Variants in OPCML observed in about 807,000 individuals in gnomAD.
The protein encoded by OPCML is opioid binding protein/cell adhesion molecule like, also known as opioid-binding protein/cell adhesion molecule.
OPCML carries 13 observed loss-of-function variants against 37.8 expected under a neutral mutation model. The observed-to-expected ratio is 0.34, with a 90% CI of 0.22 to 0.55. The LOEUF (loss-of-function observed/expected upper bound fraction) is 0.55, where lower values mean the gene tolerates loss of function less well. Among genes scored for constraint, OPCML ranks in the 20% least tolerant of loss-of-function variants. The probability of loss-of-function intolerance (pLI) is 0.91; values close to 1 mark genes in which losing one functional copy is unlikely to be tolerated. For missense variants in OPCML, 341 were observed against 435.6 expected (o/e 0.78, Z 1.93); for synonymous variants, 176 against 168.8 (o/e 1.04, Z -0.33).
At chr11:133,249,951 A>T (rs1200913395) in intron 1 of OPCML, among the ~76,000 whole-genome samples, 1 of 152,226 alleles carries the variant, frequency 6.6e-6, no homozygotes, top group Non-Finnish European at 1.5e-5. Flanking sequence ...AAGCAACACA[A>T]TTCAGGTTAC....
chr11:132,804,898 A>G (rs2136212028), intron 2 of OPCML, among the ~76,000 whole-genome samples: 1 of 152,162 alleles, frequency 6.6e-6, no homozygotes, highest in East Asian at 1.9e-4. Context: ...GAAAGAGAAA[A>G]CTGTGATCTA....
intron 1 of OPCML, among the ~76,000 whole-genome samples, chr11:132,979,998 A>G (rs1045079379): frequency 2.6e-5 from 4 of 152,356 alleles, no homozygotes; most frequent in East Asian, 1.9e-4. Flanking sequence ...TCTTGAGTCT[A>G]GATGTTAGAG....
chr11:132,997,576 C>G (rs185920156), intron 1 of OPCML, among the ~76,000 whole-genome samples: 1 of 152,000 alleles, frequency 6.6e-6, no homozygotes, highest in East Asian at 1.9e-4. Context: ...TGCTGGGGCT[C>G]ATGTGCTCCC....
At chr11:133,176,576 A>G (rs1937603183) in intron 1 of OPCML, among the ~76,000 whole-genome samples, 1 of 151,934 alleles carries the variant, frequency 6.6e-6, no homozygotes, top group Non-Finnish European at 1.5e-5. Context: ...GTGCTGTCCT[A>G]GAGATAGAAG....
chr11:133,146,946 A>G (rs1195950134), intron 1 of OPCML, among the ~76,000 whole-genome samples: 1 of 152,214 alleles, frequency 6.6e-6, no homozygotes, highest in Non-Finnish European at 1.5e-5. Context: ...ACCTTTGCTG[A>G]GTACTGAGAA....
intron 2 of OPCML, among the ~76,000 whole-genome samples, chr11:132,783,306 T>C (rs1052392056): frequency 2.0e-5 from 3 of 152,146 alleles, no homozygotes; most frequent in African/African-American, 4.8e-5. Context: ...ACATTTTCCA[T>C]GTGACGTGCC....
intron 4 of OPCML, among the ~76,000 whole-genome samples, chr11:132,524,929 C>G (rs546263495): frequency 6.6e-6 from 1 of 152,216 alleles, no homozygotes; most frequent in East Asian, 1.9e-4. Context: ...CAAAGGGGTT[C>G]CCCAGAAACA....
chr11:133,286,188 C>T (rs937663803), intron 1 of OPCML, among the ~76,000 whole-genome samples: 1 of 152,100 alleles, frequency 6.6e-6, no homozygotes. Flanking sequence ...CGGTGGCTCA[C>T]GCCTGCAATT....
chr11:132,706,178 C>T (rs1269507080), intron 2 of OPCML, among the ~76,000 whole-genome samples: 1 of 152,156 alleles, frequency 6.6e-6, no homozygotes, highest in Non-Finnish European at 1.5e-5. Flanking sequence ...ATTGCAGATA[C>T]TTGGCTAGAG....
At chr11:133,509,274 T>C (rs1948104056) in intron 1 of OPCML, among the ~76,000 whole-genome samples, 1 of 152,202 alleles carries the variant, frequency 6.6e-6, no homozygotes, top group Non-Finnish European at 1.5e-5. Flanking sequence ...CCTGTGTCCA[T>C]ATGTTCTCAT....
intron 1 of OPCML, among the ~76,000 whole-genome samples, chr11:133,170,355 G>T (rs1950272251): frequency 6.6e-6 from 1 of 152,288 alleles, no homozygotes; most frequent in East Asian, 1.9e-4. Flanking sequence ...ATGTGGTGGT[G>T]GGCGCCTGTA....
chr11:133,065,487 A>C (rs541381504), intron 1 of OPCML: 2 of 152,304 alleles, frequency 1.3e-5, no homozygotes, highest in African/African-American at 4.8e-5. Flanking sequence ...GCTGTAAACA[A>C]GCCGTTGTTA....
At chr11:132,631,567 C>G (rs898790684) in intron 3 of OPCML, among the ~76,000 whole-genome samples, 2 of 150,990 alleles carry the variant, frequency 1.3e-5, no homozygotes, top group Non-Finnish European at 3.0e-5. Context: ...TCACGCCATT[C>G]GCCTGCCTCA....
At chr11:132,884,380 T>C (rs951993196) in intron 2 of OPCML, among the ~76,000 whole-genome samples, 13 of 152,320 alleles carry the variant, frequency 8.5e-5, no homozygotes, top group Admixed American at 7.2e-4. Flanking sequence ...GGCAACTGTC[T>C]GTGGTGGATA....
chr11:132,450,322 A>G (rs902052150), intron 4 of OPCML, among the ~76,000 whole-genome samples: 1 of 152,220 alleles, frequency 6.6e-6, no homozygotes, highest in East Asian at 1.9e-4. Flanking sequence ...GGAGAAAGAC[A>G]AAGAGGAACG....
intron 2 of OPCML, among the ~76,000 whole-genome samples, chr11:132,729,571 G>C (rs1945005679): frequency 6.6e-6 from 1 of 152,144 alleles, no homozygotes; most frequent in Non-Finnish European, 1.5e-5. Context: ...CTCATCCAAG[G>C]TTCAGCAGCC....
intron 2 of OPCML, among the ~76,000 whole-genome samples, chr11:132,681,380 A>T (rs1360958341): frequency 6.6e-6 from 1 of 152,194 alleles, no homozygotes; most frequent in Non-Finnish European, 1.5e-5. Context: ...GAAGAGGAGA[A>T]GCAGCTGGAT....
chr11:132,470,037 A>T (rs1000867841), intron 4 of OPCML, among the ~76,000 whole-genome samples: 2 of 151,972 alleles, frequency 1.3e-5, no homozygotes, highest in Non-Finnish European at 2.9e-5. Context: ...CCTGCAAGAG[A>T]TGTTTGAATT....
At chr11:132,911,303 T>C (rs1213002077) in intron 2 of OPCML, among the ~76,000 whole-genome samples, 1 of 152,216 alleles carries the variant, frequency 6.6e-6, no homozygotes, top group African/African-American at 2.4e-5. Flanking sequence ...CTTCTTGAAC[T>C]GCCAAATAAC....
Sources: allele counts gnomAD v4.1 joint callset (sites outside exome capture counted in the v4.1 genomes callset), GRCh38; gene constraint gnomAD v4.1.1; transcripts MANE v1.5; gene names NCBI Gene and HGNC (gene_info 2026-07-23, HGNC 2026-07-21).